Variants in NSMCE2 observed in about 807,000 individuals in gnomAD.
NSMCE2 encodes the protein NSE2 SUMO ligase component of SMC5/6 complex.
NSMCE2 carries 24 observed loss-of-function variants against 23.8 expected under a neutral mutation model. That is an observed-to-expected ratio of 1.01 (90% CI 0.73 to 1.42). The LOEUF (loss-of-function observed/expected upper bound fraction) is 1.42. NSMCE2 is among the 40% of genes most tolerant of loss of function. The pLI is 0.00. For synonymous variants in NSMCE2, 92 were observed against 94.1 expected, an observed-to-expected ratio of 0.98 and a Z score of 0.13; for missense variants, 284 against 296.5, an observed-to-expected ratio of 0.96 and a Z score of 0.31.
At chr8:125,116,771 T>TA (rs1262359780) in intron 3 of NSMCE2, among the ~76,000 whole-genome samples, 3 of 152,232 alleles carry the variant, frequency 2.0e-5, no homozygotes, top group Non-Finnish European at 4.4e-5. Context: ...TTCTAAGTGA[T>TA]ATGTTTGCAG....
At chr8:125,275,403 A>C (rs982030251) in intron 5 of NSMCE2, among the ~76,000 whole-genome samples, 3 of 152,260 alleles carry the variant, frequency 2.0e-5, no homozygotes, top group Middle Eastern at 3.4e-3. Flanking sequence ...TATGAACTCC[A>C]CTAGAGAAGT....
intron 5 of NSMCE2, among the ~76,000 whole-genome samples, chr8:125,196,073 G>T (rs1428894087): frequency 6.6e-6 from 1 of 151,228 alleles, no homozygotes; most frequent in Non-Finnish European, 1.5e-5. Flanking sequence ...TGGAGACTGG[G>T]TTTCACCGTG....
intron 3 of NSMCE2, among the ~76,000 whole-genome samples, chr8:125,117,081 A>T (rs1819041889): frequency 6.6e-6 from 1 of 152,024 alleles, no homozygotes; most frequent in African/African-American, 2.4e-5. Context: ...GCAGAGCTTC[A>T]TCAGATTTGC....
chr8:125,167,359 T>C (rs533487033), intron 4 of NSMCE2, among the ~76,000 whole-genome samples: 1 of 151,732 alleles, frequency 6.6e-6, no homozygotes, highest in Non-Finnish European at 1.5e-5. Context: ...GTATTGAGAG[T>C]TGCATTAAAA....
intron 5 of NSMCE2, among the ~76,000 whole-genome samples, chr8:125,342,290 G>A (rs2131329062): frequency 6.6e-6 from 1 of 152,326 alleles, no homozygotes; most frequent in African/African-American, 2.4e-5. Context: ...AAGAGTAAAT[G>A]TTCCATGCTA....
intron 3 of NSMCE2, among the ~76,000 whole-genome samples, chr8:125,143,968 CAG>C (rs1322292694): frequency 6.6e-6 from 1 of 152,040 alleles, no homozygotes; most frequent in East Asian, 1.9e-4. Flanking sequence ...TCATAGGAAA[CAG>C]AGAGCAAAGC....
intron 5 of NSMCE2, among the ~76,000 whole-genome samples, chr8:125,351,898 A>C (rs928326737): frequency 6.6e-6 from 1 of 152,142 alleles, no homozygotes; most frequent in African/African-American, 2.4e-5. Context: ...CTGTAATCCC[A>C]GCTACTTGGG....
At chr8:125,230,503 G>C (rs1022122059) in intron 5 of NSMCE2, among the ~76,000 whole-genome samples, 1 of 152,152 alleles carries the variant, frequency 6.6e-6, no homozygotes, top group Non-Finnish European at 1.5e-5. Flanking sequence ...GTGGGAATGA[G>C]AAACAGCTGT....
Position 125,263,749 on chromosome 8 carries a change from C to CA in NSMCE2, c.418+81502dup, listed in dbSNP as rs1306507228. On this transcript the variant is annotated intron_variant, in intron 5 of 7. Transcript: ENST00000287437. ...TCCGTGACAGAGCGAGACTCCATCT[C>CA]AAAAAAAAACAAAAAAAAAAAGAAG... 1.2e-3 allele frequency among the ~76,000 whole-genome samples: 154 copies of CA among 124,288 alleles called. 1 individual carries two copies. Among genetic ancestry groups the CA allele is most frequent in the Admixed American group, 7.1e-3 (87 of 12,210 alleles). 81.5% of individuals were successfully genotyped at this position (124,288 alleles called of 152,430 possible).
Position 125,161,623 on chromosome 8 carries a change from C to T in NSMCE2, c.264+10346C>T, listed in dbSNP as rs375548829. Among the ~76,000 whole-genome samples the T allele has an allele frequency of 5.2e-4, 79 of 151,942 alleles. No homozygotes were observed. The South Asian group carries it at 0.01, about 20-fold the overall frequency. Reference sequence around the variant, plus strand: ...GACCAGCCTGGCCAACATGGTGAAACGCCACCTCTACTAAAATATAAAAAT... The same window carrying T: ...GACCAGCCTGGCCAACATGGTGAAATGCCACCTCTACTAAAATATAAAAAT... On this transcript the variant is annotated intron_variant, in intron 4 of 7. Coordinates refer to ENST00000287437, the MANE Select transcript of NSMCE2 (RefSeq NM_173685.4).
At chr8:125,332,182 A>G (rs1554639671) in intron 5 of NSMCE2, among the ~76,000 whole-genome samples, 1 of 152,202 alleles carries the variant, frequency 6.6e-6, no homozygotes, top group Non-Finnish European at 1.5e-5. Context: ...TAAATAAAGC[A>G]AATTTGAGAA....
intron 5 of NSMCE2, among the ~76,000 whole-genome samples, chr8:125,202,304 G>A (rs558463156): frequency 6.6e-6 from 1 of 152,212 alleles, no homozygotes; most frequent in African/African-American, 2.4e-5. Context: ...CGTCGATCAC[G>A]CTGGGAGCTG....
At chr8:125,327,866 C>G (rs558021888) in intron 5 of NSMCE2, among the ~76,000 whole-genome samples, 1 of 152,188 alleles carries the variant, frequency 6.6e-6, no homozygotes, top group Admixed American at 6.5e-5. Context: ...TACAGAGATT[C>G]TTGACATCTC....
intron 5 of NSMCE2, among the ~76,000 whole-genome samples, chr8:125,322,932 G>T (rs1473286003): frequency 1.3e-5 from 2 of 152,178 alleles, no homozygotes; most frequent in African/African-American, 4.8e-5. Context: ...GGTGACGCAT[G>T]CCTGTGATCC....
At chr8:125,153,143 C>T (rs996726330) in intron 4 of NSMCE2, among the ~76,000 whole-genome samples, 2 of 149,488 alleles carry the variant, frequency 1.3e-5, no homozygotes, top group Non-Finnish European at 3.0e-5. Flanking sequence ...TTTAAAACTT[C>T]TCACTCTTTC....
intron 5 of NSMCE2, among the ~76,000 whole-genome samples, chr8:125,300,703 T>C (rs963362198): frequency 6.6e-6 from 1 of 151,994 alleles, no homozygotes; most frequent in African/African-American, 2.4e-5. Flanking sequence ...GTTCAGCAAG[T>C]GTATTATGGT....
Position 125,151,237 on chromosome 8 carries a change from TA to T in NSMCE2, c.227del (p.Asn76ThrfsTer4). On this transcript the variant is annotated frameshift_variant, in exon 4 of 8. Coordinates refer to ENST00000287437, the MANE Select transcript of NSMCE2 (RefSeq NM_173685.4). LOFTEE classifies it high-confidence loss of function. ...GAATTTGCTACATTGGATCGGCAACTAAACCATTATGTAAAGGCTGTTCAAT... is the reference window on the plus strand; with the variant it reads ...GAATTTGCTACATTGGATCGGCAACTAACCATTATGTAAAGGCTGTTCAAT... ...MVEFATLDRQ[L>X]NHYVKAVQST... is the part of the protein sequence containing the mutation. The T allele has an allele frequency of 6.2e-7, 1 of 1,605,838 alleles. No homozygotes were observed. The highest frequency in any genetic ancestry group is 1.7e-4 in the Middle Eastern group (1 of 6,042).
intron 3 of NSMCE2, among the ~76,000 whole-genome samples, chr8:125,134,709 T>C (rs1819969560): frequency 6.6e-6 from 1 of 151,432 alleles, no homozygotes; most frequent in Admixed American, 6.6e-5. Flanking sequence ...GCCTCTTTGT[T>C]TTTAACGGAT....
At chr8:125,330,894 G>T (rs2131297922) in intron 5 of NSMCE2, among the ~76,000 whole-genome samples, 1 of 152,262 alleles carries the variant, frequency 6.6e-6, no homozygotes, top group Admixed American at 6.5e-5. Context: ...TTAATGTAAT[G>T]CAGAGTCCAC....
Sources: gnomAD v4.1 joint callset for allele counts (sites outside exome capture counted in the v4.1 genomes callset) on GRCh38, gnomAD v4.1.1 for gene constraint, MANE v1.5 for transcripts, NCBI Gene and HGNC (gene_info 2026-07-23, HGNC 2026-07-21) for gene names.